The following CHEK2 variants were observed in gnomAD, a reference collection of about 807,000 sequenced individuals.
CHEK2 encodes the protein serine/threonine-protein kinase Chk2.
Under a neutral mutation model 69.1 loss-of-function variants are expected in CHEK2, and 71 were observed. That is an observed-to-expected ratio of 1.03 (90% confidence interval 0.85 to 1.25). The LOEUF (loss-of-function observed/expected upper bound fraction) is 1.25. Among genes scored for constraint, CHEK2 ranks in the 50% most tolerant of loss-of-function variants. The probability of loss-of-function intolerance (pLI) is 0.00; values close to 1 mark genes in which losing one functional copy is unlikely to be tolerated. For missense variants in CHEK2, 664 were observed against 649.6 expected, an observed-to-expected ratio of 1.02 and a Z score of -0.24; for synonymous variants, 189 against 226.9, an observed-to-expected ratio of 0.83 and a Z score of 1.50.
chr22:28,715,453 T>A (rs1214239488), intron 5 of CHEK2, among the ~76,000 whole-genome samples: 1 of 152,116 alleles, frequency 6.6e-6, no homozygotes, highest in East Asian at 1.9e-4. Flanking sequence ...AGGGTCTTGC[T>A]CTGTCACCCA....
intron 7 of CHEK2, among the ~76,000 whole-genome samples, chr22:28,704,355 CAG>C (rs1479856501): frequency 2.0e-5 from 3 of 150,072 alleles, no homozygotes; most frequent in African/African-American, 7.4e-5. Flanking sequence ...TTTTTTGAGA[CAG>C]AGTCTCACTT....
chr22:28,735,329 C>G (rs1296307237), intron 1 of CHEK2, among the ~76,000 whole-genome samples: 1 of 151,876 alleles, frequency 6.6e-6, no homozygotes, highest in Non-Finnish European at 1.5e-5. Flanking sequence ...TCGCTTGAGC[C>G]CGGGAGGCAG....
chr22:28,733,049 C>T (rs1009671273), intron 2 of CHEK2, among the ~76,000 whole-genome samples: 9 of 152,170 alleles, frequency 5.9e-5, no homozygotes, highest in African/African-American at 2.2e-4. Context: ...GCTTTGGCCT[C>T]CCAAAGTGCT....
At chr22:28,730,356 GGGGAAA>G (rs2054173695) in intron 2 of CHEK2, 1 of 499,394 alleles carries the variant, frequency 2.0e-6, no homozygotes, top group Non-Finnish European at 3.6e-6. Flanking sequence ...AAAGGGGAAA[GGGGAAA>G]GGAAAAGGAA....
intron 5 of CHEK2, among the ~76,000 whole-genome samples, chr22:28,715,210 A>T (rs2053547882): frequency 6.6e-6 from 1 of 152,084 alleles, no homozygotes; most frequent in Non-Finnish European, 1.5e-5. Flanking sequence ...TACCACATAG[A>T]GAGAACAATT....
chr22:28,711,119 C>G (rs895247343), intron 6 of CHEK2, among the ~76,000 whole-genome samples: 3 of 152,138 alleles, frequency 2.0e-5, no homozygotes, highest in African/African-American at 7.2e-5. Flanking sequence ...TGATTAGAGG[C>G]TGTGTTTTAC....
At chr22:28,698,860 C>T (rs1217654432) in intron 9 of CHEK2, among the ~76,000 whole-genome samples, 2 of 152,120 alleles carry the variant, frequency 1.3e-5, no homozygotes, top group Non-Finnish European at 2.9e-5. Flanking sequence ...TCACAATCAT[C>T]ACAACTTGCA....
At chr22:28,714,188 T>TC (rs2053509529) in intron 5 of CHEK2, among the ~76,000 whole-genome samples, 1 of 152,330 alleles carries the variant, frequency 6.6e-6, no homozygotes, top group African/African-American at 2.4e-5. Flanking sequence ...TAGCAGTGCA[T>TC]GGGGGTTCCA....
At chr22:28,701,545 T>G (rs1010678887) in intron 8 of CHEK2, among the ~76,000 whole-genome samples, 1 of 152,160 alleles carries the variant, frequency 6.6e-6, no homozygotes, top group African/African-American at 2.4e-5. Flanking sequence ...TCACCCTGCA[T>G]AGATACGATT....
At chr22:28,729,196 G>A in intron 2 of CHEK2, 1 of 194,172 alleles carries the variant, frequency 5.2e-6, no homozygotes, top group South Asian at 5.8e-5. Flanking sequence ...CAACAAAACA[G>A]TAGCAAACTA....
intron 5 of CHEK2, among the ~76,000 whole-genome samples, chr22:28,714,834 A>G (rs185085977): frequency 2.6e-5 from 4 of 152,234 alleles, no homozygotes; most frequent in African/African-American, 9.6e-5. Context: ...GTAAGGGTCC[A>G]TGTAACTATT....
intron 2 of CHEK2, among the ~76,000 whole-genome samples, chr22:28,731,101 G>A (rs947635952): frequency 6.6e-6 from 1 of 152,014 alleles, no homozygotes; most frequent in Non-Finnish European, 1.5e-5. Flanking sequence ...TACTCAGGAG[G>A]CTGAAGTGGG....
At chr22:28,705,683 TA>T (rs1217971625) in intron 7 of CHEK2, among the ~76,000 whole-genome samples, 1 of 152,016 alleles carries the variant, frequency 6.6e-6, no homozygotes, top group African/African-American at 2.4e-5. Flanking sequence ...CCCAGCACTT[TA>T]GGAGGCCAAG....
At chr22:28,724,102 C>A (rs2053900765) in intron 4 of CHEK2, among the ~76,000 whole-genome samples, 1 of 152,078 alleles carries the variant, frequency 6.6e-6, no homozygotes, top group Non-Finnish European at 1.5e-5. Context: ...TTTTAATCAC[C>A]ATGATAATTC....
chr22:28,727,627 C>T (rs1314256883), intron 2 of CHEK2, among the ~76,000 whole-genome samples: 1 of 152,088 alleles, frequency 6.6e-6, no homozygotes, highest in Non-Finnish European at 1.5e-5. Flanking sequence ...GGAATAATTT[C>T]CCTAATAAAT....
At position 28,687,815 on chromosome 22, in the gene CHEK2, A is replaced by G. The variant is rs1465852131; in HGVS notation, c.*82T>C. ...CAATTATTCCCATAATTAAAATACA[A>G]ACTATAAAAAAACAGACTCAAAGAA... On this transcript the variant is annotated 3_prime_UTR_variant, in exon 15 of 15. Transcript: ENST00000404276. 9.0e-7 allele frequency: 1 copy of G among 1,111,504 alleles called. No individual in the cohort carries two copies. Among genetic ancestry groups the G allele is most frequent in the African/African-American group, 1.5e-5 (1 of 65,230 alleles). The allele number at this position is 1,111,504 out of a possible 1,614,324, so 68.9% of individuals were successfully genotyped here. A position where few individuals can be genotyped will look rare whatever the true frequency, so the allele number is the denominator to read the frequency against.
chr22:28,707,830 C>CTTTTTTTTTTTTTTTT (rs11453597), intron 7 of CHEK2, among the ~76,000 whole-genome samples: 1 of 102,464 alleles, frequency 9.8e-6, no homozygotes, highest in Non-Finnish European at 1.8e-5. Context: ...TTGTGTTTAT[C>CTTTTTTTTTTTTTTTT]TTTTTTTTTT....
At chr22:28,736,513 A>G (rs1485286038) in intron 1 of CHEK2, among the ~76,000 whole-genome samples, 1 of 152,208 alleles carries the variant, frequency 6.6e-6, no homozygotes, top group Admixed American at 6.5e-5. Flanking sequence ...AAATAACCAT[A>G]GGGCTTATCT....
At chr22:28,698,228 T>TAAAAAAAAAAAAAAAAAAAAAAAAAAAA (rs398040472) in intron 9 of CHEK2, among the ~76,000 whole-genome samples, 14 of 81,886 alleles carry the variant, frequency 1.7e-4, no homozygotes, top group East Asian at 9.1e-4. Flanking sequence ...CTATCTTTAC[T>TAAAAAAAAAAAAAAAAAAAAAAAAAAAA]AAAAAAAAAA....
Sources: allele counts gnomAD v4.1 joint callset (sites outside exome capture counted in the v4.1 genomes callset), GRCh38; gene constraint gnomAD v4.1.1; transcripts MANE v1.5; gene names NCBI Gene and HGNC (gene_info 2026-07-23, HGNC 2026-07-21).